IDS: variants seen among roughly 807,000 people sequenced by gnomAD.
IDS encodes the protein alpha-L-iduronate sulfate sulfatase.
In IDS, 1 loss-of-function variant was observed where a neutral mutation model predicts 33.5. The observed-to-expected ratio is 0.03, with a 90% CI of 0.01 to 0.14. The LOEUF (loss-of-function observed/expected upper bound fraction) is 0.14, where lower values mean the gene tolerates loss of function less well. IDS is among the 10% of genes least tolerant of loss of function. The pLI is 1.00. For missense variants in IDS, 328 were observed against 448.0 expected, an observed-to-expected ratio of 0.73 and a Z score of 2.42; for synonymous variants, 191 against 184.4, an observed-to-expected ratio of 1.04 and a Z score of -0.29.
intron 5 of IDS, among the ~76,000 whole-genome samples, chrX:149,497,792 C>G (rs1230826066): frequency 1.8e-5 from 2 of 112,175 alleles, no homozygotes; most frequent in East Asian, 5.6e-4. Flanking sequence ...CAGGCTTTGG[C>G]AGCCAGCTCT....
rs782517995 is a variant in IDS at position 149,487,613 on chromosome X, G to A, written c.1007-515C>T. Among the ~76,000 whole-genome samples the A allele has an allele frequency of 3.6e-5, 4 of 112,390 alleles. No individual in the cohort carries two copies. In the South Asian group the frequency reaches 1.5e-3, roughly 41 times the overall value. ...ACTCGGCAAATTCAAAAAAGACAAG[G>A]ACATCTTCGTTGATTTTTAAGACAT... On this transcript the variant is annotated intron_variant, in intron 7 of 8. Coordinates refer to ENST00000340855, the MANE Select transcript of IDS (RefSeq NM_000202.8).
chrX:149,482,521 TA>T lies in IDS; in HGVS notation c.*224del, dbSNP rs71753099. On this transcript the variant is annotated 3_prime_UTR_variant, in exon 9 of 9. Transcript: ENST00000340855. ...GTAACTGTTTTAAAAAGAGGGAAAT[TA>T]AAAAAAAAACTGGTCCAATTACCAA... 0.37 allele frequency: 151,106 copies of T among 409,716 alleles called. 20,889 individuals carry two copies. The highest frequency in any genetic ancestry group is 0.43 in the Non-Finnish European group (106,809 of 248,379). 33.8% of individuals were successfully genotyped at this position (409,716 alleles called of 1,213,427 possible).
chrX:149,502,894 G>A (rs782543157), intron 3 of IDS: 11 of 338,522 alleles, frequency 3.2e-5, no homozygotes, highest in Non-Finnish European at 5.2e-5. Flanking sequence ...CCCCTCATTG[G>A]GCAATAAGTC....
chrX:149,483,437 C>A (rs6641187), intron 8 of IDS, among the ~76,000 whole-genome samples: 37 of 111,461 alleles, frequency 3.3e-4, no homozygotes, highest in Admixed American at 5.7e-4. Context: ...TAGGGCCCCA[C>A]GAGGCTGTTG....
chrX:149,494,242 G>A (rs184683413), intron 6 of IDS, among the ~76,000 whole-genome samples: 13 of 112,021 alleles, frequency 1.2e-4, no homozygotes, highest in Admixed American at 8.5e-4. Context: ...TGAGCTGGGC[G>A]GCTGGGAAGT....
intron 6 of IDS, 94 bp downstream of exon 6, chrX:149,496,252 T>C: frequency 1.2e-6 from 1 of 833,513 alleles, no homozygotes; most frequent in Non-Finnish European, 1.8e-6. Context: ...TAATAAGACA[T>C]TATAGGTGGA....
chrX:149,502,950 C>T, intron 3 of IDS: 1 of 418,405 alleles, frequency 2.4e-6, no homozygotes, highest in Admixed American at 4.3e-5. Flanking sequence ...GGTGTCCTCA[C>T]CCCACCCCTA....
chrX:149,499,952 G>A (rs2089466687), intron 4 of IDS, among the ~76,000 whole-genome samples: 1 of 111,291 alleles, frequency 9.0e-6, no homozygotes, highest in Non-Finnish European at 1.9e-5. Context: ...AAGACCGAGG[G>A]GCTGTGTCAG....
At chrX:149,504,612 G>C (rs1557340475) in intron 1 of IDS, among the ~76,000 whole-genome samples, 1 of 110,487 alleles carries the variant, frequency 9.1e-6, no homozygotes, top group Admixed American at 9.6e-5. Context: ...ATGGTTGGAT[G>C]GAGGAAGATA....
In IDS at chrX:149,478,968, G is replaced by A. The variant is rs1178943861; in HGVS notation, c.*3778C>T. On this transcript the variant is annotated 3_prime_UTR_variant, in exon 9 of 9. Transcript: ENST00000340855. ...CAGATGCCCAACTATCGTACAAAGA[G>A]AACCATGATCAAGGTCACTAACAAG... The A allele has an allele frequency of 2.7e-5, 3 of 112,868 alleles. No individual in the cohort carries two copies. Among genetic ancestry groups the A allele is most frequent in the African/African-American group, 9.7e-5 (3 of 31,071 alleles). The allele number at this position is 112,868 out of a possible 1,213,427, so 9.3% of individuals were successfully genotyped here. A position where few individuals can be genotyped will look rare whatever the true frequency, so the allele number is the denominator to read the frequency against.
intron 7 of IDS, among the ~76,000 whole-genome samples, chrX:149,488,601 C>T (rs1488012111): frequency 9.3e-6 from 1 of 107,236 alleles, no homozygotes; most frequent in Admixed American, 9.9e-5. Context: ...CTGCCCTGCA[C>T]CAGGCAGAGG....
rs2089292525 is a variant in IDS, at chrX:149,480,845, C to T, written c.*1901G>A. The T allele has an allele frequency of 8.9e-6, 1 of 112,463 alleles. No homozygotes were observed. Among genetic ancestry groups the T allele is most frequent in the African/African-American group, 3.2e-5 (1 of 30,827 alleles). The allele number at this position is 112,463 out of a possible 1,213,427, so 9.3% of individuals were successfully genotyped here. ...GATGCTCCCTCATGTTTGTGAGCCA[C>T]TGAATGAGGGCCATGCAAAATGTCT... is the stretch of plus-strand genomic sequence containing the variant. On this transcript the variant is annotated 3_prime_UTR_variant, in exon 9 of 9. Transcript: ENST00000340855.
intron 6 of IDS, chrX:149,491,663 T>C (rs1557338745): frequency 1.0e-6 from 1 of 1,001,522 alleles, no homozygotes; most frequent in Non-Finnish European, 1.3e-6. Context: ...GGAACTTTGG[T>C]CCTCCTGGGG....
intron 5 of IDS, among the ~76,000 whole-genome samples, chrX:149,497,420 G>A (rs782327011): frequency 1.9e-4 from 21 of 111,945 alleles, no homozygotes; most frequent in African/African-American, 6.8e-4. Flanking sequence ...CAAGGGGGCT[G>A]ACAGCTCCTA....
At chrX:149,483,293 A>G in intron 8 of IDS, 75 bp from the exon 9 acceptor site, 1 of 775,527 alleles carries the variant, frequency 1.3e-6, no homozygotes, top group Admixed American at 2.4e-5. Context: ...GCAGTAAAGG[A>G]ACCTGTCTGG....
At chrX:149,493,093 C>A (rs1414840317) in intron 6 of IDS, among the ~76,000 whole-genome samples, 1 of 111,965 alleles carries the variant, frequency 8.9e-6, no homozygotes, top group Non-Finnish European at 1.9e-5. Flanking sequence ...CTCTCACAGG[C>A]AGGTCAACAC....
chrX:149,501,593 G>T (rs1458978476), intron 3 of IDS, among the ~76,000 whole-genome samples: 1 of 111,835 alleles, frequency 8.9e-6, no homozygotes, highest in African/African-American at 3.3e-5. Flanking sequence ...GCTTTCAAAA[G>T]CATCGAAGTG....
chrX:149,505,055 G>C lies in IDS; in HGVS notation c.83C>G (p.Thr28Arg). 1 of 1,208,589 alleles carries C rather than the reference G, an allele frequency of 8.3e-7. No individual in the cohort carries two copies. Residue 28 changes from threonine (T) to arginine (R), a missense_variant, in exon 1 of 9, where the codon ACG becomes AGG. Coordinates refer to ENST00000340855, the MANE Select transcript of IDS (RefSeq NM_000202.8). ...SSVCVALGSE[T>R]QANSTTDALN... is the part of the protein sequence containing the mutation. ...GGCACCTGTGGTCGAGTTGGCCTGC[G>C]TTTCGGATCCGAGGGCGACGCAGAC...
Position 149,504,977 on chromosome X carries a change from G to A in IDS, c.103+58C>T, listed in dbSNP as rs192825193. The A allele has an allele frequency of 1.4e-4, 123 of 857,311 alleles. 1 individual carries two copies. The African/African-American group carries it at 2.1e-3, about 15-fold the overall frequency. The allele number at this position is 857,311 out of a possible 1,213,427, so 70.7% of individuals were successfully genotyped here. A position where few individuals can be genotyped will look rare whatever the true frequency, so the allele number is the denominator to read the frequency against. ...AACAAAGAAGGAAGGAAAGAAGGAAGGAGGAAGGAAGGGAGGGAGGAAGGG... is the reference window on the plus strand; with the variant it reads ...AACAAAGAAGGAAGGAAAGAAGGAAAGAGGAAGGAAGGGAGGGAGGAAGGG... On this transcript the variant is annotated intron_variant, in intron 1 of 8. Coordinates refer to ENST00000340855, the MANE Select transcript of IDS (RefSeq NM_000202.8).
Sources: allele counts gnomAD v4.1 joint callset (sites outside exome capture counted in the v4.1 genomes callset), GRCh38; gene constraint gnomAD v4.1.1; transcripts MANE v1.5; gene names NCBI Gene and HGNC (gene_info 2026-07-23, HGNC 2026-07-21).